Variants in RPRD2 observed in about 807,000 individuals in gnomAD.
The protein encoded by RPRD2 is regulation of nuclear pre-mRNA domain containing 2, also known as regulation of nuclear pre-mRNA domain-containing protein 2.
Under a neutral mutation model 104.4 loss-of-function variants are expected in RPRD2, and 12 were observed. The ratio of observed to expected loss-of-function variants is 0.11; its 90% CI spans 0.07 to 0.19. The LOEUF (loss-of-function observed/expected upper bound fraction) is 0.19. RPRD2 is among the 10% of genes least tolerant of loss of function. The probability of loss-of-function intolerance (pLI) is 1.00; values close to 1 mark genes in which losing one functional copy is unlikely to be tolerated. For missense variants in RPRD2, 1,543 were observed against 1,790.1 expected (o/e 0.86, Z 2.49); for synonymous variants, 714 against 684.9 (o/e 1.04, Z -0.66).
rs1417770396 is a variant in RPRD2, at chr1:150,364,173, G to T, written c.-542G>T. 1.3e-5 allele frequency among the ~76,000 whole-genome samples: 2 copies of T among 152,112 alleles called. No homozygotes were observed. The highest frequency in any genetic ancestry group is 4.8e-5 in the African/African-American group (2 of 41,444). On this transcript the variant is annotated 5_prime_UTR_variant, in exon 1 of 11. Transcript: ENST00000369068. ...CTGTTGCTGCCCCTTTGCTGCTATTGCGTTGCAAAAAAAATCCTGACTAGG... is the reference window on the plus strand; with the variant it reads ...CTGTTGCTGCCCCTTTGCTGCTATTTCGTTGCAAAAAAAATCCTGACTAGG...
Position 150,460,659 on chromosome 1 carries a change from T to G in RPRD2, c.1411+342T>G, listed in dbSNP as rs190699055. ...CTCAGGTGATACACCCACCTCGGCC[T>G]CCCAAAGTGCTGGGATTATAGGCGT... On this transcript the variant is annotated intron_variant, in intron 9 of 10. Coordinates refer to ENST00000369068, the MANE Select transcript of RPRD2 (RefSeq NM_015203.5). Among the ~76,000 whole-genome samples the G allele has an allele frequency of 3.3e-5, 5 of 152,098 alleles. No homozygotes were observed. In the East Asian group the frequency reaches 9.6e-4, roughly 29 times the overall value.
In RPRD2 at chr1:150,364,827, T is replaced by C. The variant is rs1659709184; in HGVS notation, c.113T>C (p.Met38Thr). ...DRKFQSVTNT[M>T]ESIQGLSSWC... ...AAATTCCAGTCGGTAACCAACACCA[T>C]GGAGTCCATTCAAGGCTTGTCGTCT... Residue 38 changes from methionine to threonine, a missense_variant, in exon 1 of 11, where the codon ATG (methionine) becomes ACG (threonine). Met to Thr is a moderately conservative substitution (Grantham distance 81, BLOSUM62 -1). This residue lies in a region of RPRD2 where 88 missense variants were observed against 96.6 expected (regional missense o/e 0.91). Coordinates refer to ENST00000369068, the MANE Select transcript of RPRD2 (RefSeq NM_015203.5). 2 of 1,613,708 alleles carry C rather than the reference T, an allele frequency of 1.2e-6. No homozygotes were observed. Among genetic ancestry groups the C allele is most frequent in the Admixed American group, 1.7e-5 (1 of 59,996 alleles).
intron 1 of RPRD2, among the ~76,000 whole-genome samples, chr1:150,388,409 T>C (rs900376651): frequency 3.4e-5 from 5 of 146,298 alleles, no homozygotes; most frequent in East Asian, 2.0e-4. Flanking sequence ...TACGTGTATA[T>C]ACACATGTAT....
At chr1:150,364,943 A>C in intron 1 of RPRD2, 24 bp downstream of exon 1, 1 of 1,610,182 alleles carries the variant, frequency 6.2e-7, no homozygotes, top group Non-Finnish European at 8.5e-7. Context: ...GTGACTAGGG[A>C]AGGGAAGACT....
At chr1:150,387,112 T>C (rs587726653) in intron 1 of RPRD2, among the ~76,000 whole-genome samples, 3 of 152,338 alleles carry the variant, frequency 2.0e-5, no homozygotes, top group African/African-American at 2.4e-5. Context: ...ACTTTTAGAC[T>C]ACATGGTTCA....
intron 1 of RPRD2, among the ~76,000 whole-genome samples, chr1:150,391,843 G>C (rs1662095564): frequency 6.6e-6 from 1 of 152,134 alleles, no homozygotes; most frequent in South Asian, 2.1e-4. Flanking sequence ...GGGAGGCAGA[G>C]GTTGCAGTGA....
At chr1:150,383,489 G>A (rs1482996788) in intron 1 of RPRD2, among the ~76,000 whole-genome samples, 2 of 151,632 alleles carry the variant, frequency 1.3e-5, no homozygotes, top group Admixed American at 6.6e-5. Flanking sequence ...GCTAATTTTT[G>A]TATTTTTAGT....
intron 10 of RPRD2, 65 bp downstream of exon 10, chr1:150,464,792 G>T (rs868980146): frequency 3.2e-6 from 4 of 1,260,356 alleles, no homozygotes; most frequent in African/African-American, 3.0e-5. Flanking sequence ...ATTAATCCTG[G>T]ATTCCATTTC....
At chr1:150,427,831 T>C (rs1392333926) in intron 2 of RPRD2, among the ~76,000 whole-genome samples, 2 of 152,122 alleles carry the variant, frequency 1.3e-5, no homozygotes, top group Non-Finnish European at 2.9e-5. Context: ...GATTCTGGGG[T>C]ATAACACTTT....
At chr1:150,402,136 T>G (rs1050322200) in intron 1 of RPRD2, among the ~76,000 whole-genome samples, 12 of 151,950 alleles carry the variant, frequency 7.9e-5, no homozygotes, top group African/African-American at 2.2e-4. Flanking sequence ...TTTTTTGTAT[T>G]TTTAGTAGAG....
intron 6 of RPRD2, 116 bp downstream of exon 6, chr1:150,444,493 A>C: frequency 1.0e-6 from 1 of 979,608 alleles, no homozygotes; most frequent in Non-Finnish European, 1.5e-6. Context: ...CAGTTGTGGC[A>C]CCTCTGGTTT....
At chr1:150,397,583 T>C (rs1464858933) in intron 1 of RPRD2, among the ~76,000 whole-genome samples, 2 of 152,238 alleles carry the variant, frequency 1.3e-5, no homozygotes, top group African/African-American at 4.8e-5. Flanking sequence ...TGAGTCTGAC[T>C]TCTTTCATTT....
At chr1:150,393,641 G>A (rs1408168258) in intron 1 of RPRD2, among the ~76,000 whole-genome samples, 2 of 151,966 alleles carry the variant, frequency 1.3e-5, no homozygotes, top group Admixed American at 1.3e-4. Context: ...AGAGAATTTG[G>A]CATCAATAGT....
At chr1:150,366,416 A>C in intron 1 of RPRD2, among the ~76,000 whole-genome samples, 1 of 152,248 alleles carries the variant, frequency 6.6e-6, no homozygotes, top group East Asian at 1.9e-4. Flanking sequence ...AAATTAGTAG[A>C]TACCGGACAG....
chr1:150,414,663 T>TAA (rs79343884), intron 1 of RPRD2, among the ~76,000 whole-genome samples: 18 of 151,464 alleles, frequency 1.2e-4, no homozygotes, highest in South Asian at 2.1e-4. Context: ...GAAATAACAT[T>TAA]AAAAAAAAAT....
At position 150,419,643 on chromosome 1, in the gene RPRD2, T is replaced by C. The variant is rs1028862957; in HGVS notation, c.335+1918T>C. ...ACCTTAATTTTTTCTTTTTTTGAGA[T>C]GGAGTTTCGCTCTTGTTGCCCAGGC... On this transcript the variant is annotated intron_variant, in intron 2 of 10. Transcript: ENST00000369068. Among the ~76,000 whole-genome samples the C allele has an allele frequency of 2.6e-5, 4 of 152,266 alleles. No homozygotes were observed. In the South Asian group the frequency reaches 8.3e-4, roughly 32 times the overall value.
rs775357919 is a variant in RPRD2 at position 150,472,472 on chromosome 1, A to G, written c.3524A>G (p.Gln1175Arg). ...TACAAGGAACGGGCACCTCAATTTC[A>G]GGAGAGTGTCGGCAGCTTTCGTTCC... ...APYKERAPQF[Q>R]ESVGSFRSNS... The change falls in exon 11 of 11, where the codon CAG becomes CGG. Residue 1175 changes from glutamine to arginine, a missense_variant. By Grantham distance (43) the Gln-to-Arg change is conservative. Transcript: ENST00000369068. The G allele has an allele frequency of 3.7e-6, 6 of 1,613,936 alleles. No individual in the cohort carries two copies. In the South Asian group the frequency reaches 5.5e-5, roughly 15 times the overall value.
chr1:150,441,133 C>T (rs1666380222), intron 3 of RPRD2, 110 bp downstream of exon 3: 1 of 561,310 alleles, frequency 1.8e-6, no homozygotes, highest in Non-Finnish European at 3.1e-6. Flanking sequence ...AGTTTTGAAT[C>T]TAGCCCTATT....
chr1:150,376,562 G>A lies in RPRD2; in HGVS notation c.205+11643G>A, dbSNP rs587714857. ...GTTGCCCAGGCTGGAGTGCAGTGGC[G>A]CCATCTCGGCTCACTGCAAGCTCCG... On this transcript the variant is annotated intron_variant, in intron 1 of 10. Transcript: ENST00000369068. 9.3e-5 allele frequency among the ~76,000 whole-genome samples: 14 copies of A among 151,058 alleles called. No individual in the cohort carries two copies. The South Asian group carries it at 2.7e-3, about 29-fold the overall frequency.
Sources: allele counts gnomAD v4.1 joint callset (sites outside exome capture counted in the v4.1 genomes callset), GRCh38; gene constraint gnomAD v4.1.1; regional missense constraint gnomAD v4.1.1; transcripts MANE v1.5; gene names NCBI Gene and HGNC (gene_info 2026-07-23, HGNC 2026-07-21).